The following ACYP2 variants were observed in gnomAD, a reference collection of about 807,000 sequenced individuals.
ACYP2 encodes the protein acylphosphatase 2, also known as acylphosphatase-2.
A neutral mutation model predicts 11.2 loss-of-function variants in ACYP2; 12 were observed. The ratio of observed to expected loss-of-function variants is 1.08; its 90% CI spans 0.69 to 1.74. The LOEUF is 1.74. Ranked by LOEUF, ACYP2 falls within the 40% of genes most tolerant of loss-of-function variation. The probability of loss-of-function intolerance (pLI) is 0.00; values close to 1 mark genes in which losing one functional copy is unlikely to be tolerated. For synonymous variants in ACYP2, 43 were observed against 32.2 expected, an observed-to-expected ratio of 1.33 and a Z score of -1.13; for missense variants, 134 against 101.9, an observed-to-expected ratio of 1.31 and a Z score of -1.35.
At chr2:54,020,454 A>G (rs1384346191) in intron 2 of ACYP2, among the ~76,000 whole-genome samples, 1 of 152,198 alleles carries the variant, frequency 6.6e-6, no homozygotes, top group Non-Finnish European at 1.5e-5. Flanking sequence ...AAAAGCCAAA[A>G]ATTACATAGC....
intron 6 of ACYP2, chr2:54,142,832 T>A (rs1681680039): frequency 6.6e-6 from 1 of 152,222 alleles, no homozygotes; most frequent in Non-Finnish European, 1.5e-5. Flanking sequence ...TTTTAAAATT[T>A]ATCCTTCAGT....
At chr2:54,282,737 T>C (rs949255565) in intron 6 of ACYP2, among the ~76,000 whole-genome samples, 4 of 150,110 alleles carry the variant, frequency 2.7e-5, no homozygotes, top group African/African-American at 9.7e-5. Context: ...TGTTTGGAAG[T>C]TTTTTTTTTC....
chr2:54,144,306 T>C (rs1681782095), intron 6 of ACYP2, among the ~76,000 whole-genome samples: 1 of 152,172 alleles, frequency 6.6e-6, no homozygotes, highest in Non-Finnish European at 1.5e-5. Context: ...CCAGATGTTC[T>C]TGGATTCCTT....
chr2:54,064,172 T>A (rs1284310632), intron 4 of ACYP2, among the ~76,000 whole-genome samples: 1 of 152,124 alleles, frequency 6.6e-6, no homozygotes, highest in African/African-American at 2.4e-5. Context: ...CTGCTCAGCA[T>A]TTTTTGAAAC....
chr2:54,101,452 C>T (rs60246605), intron 4 of ACYP2, among the ~76,000 whole-genome samples: 4 of 152,040 alleles, frequency 2.6e-5, no homozygotes, highest in African/African-American at 7.2e-5. Flanking sequence ...GAGCAGATCA[C>T]GAGGTCAGGA....
At chr2:54,245,026 C>A (rs185651551) in intron 6 of ACYP2, among the ~76,000 whole-genome samples, 145 of 152,268 alleles carry the variant, frequency 9.5e-4, no homozygotes, top group African/African-American at 3.4e-3. Flanking sequence ...ATCTCACCAT[C>A]TTCCCCTTCC....
chr2:54,060,730 A>G (rs916613985), intron 4 of ACYP2, among the ~76,000 whole-genome samples: 7 of 152,242 alleles, frequency 4.6e-5, no homozygotes, highest in Non-Finnish European at 7.3e-5. Flanking sequence ...TTTTATGCAC[A>G]GGATGTTCTC....
intron 4 of ACYP2, chr2:54,123,484 T>C (rs990308082): frequency 2.0e-5 from 8 of 398,422 alleles, no homozygotes; most frequent in Non-Finnish European, 3.5e-5. Context: ...AAAATTGAGA[T>C]ATAATTTACA....
intron 4 of ACYP2, among the ~76,000 whole-genome samples, chr2:54,101,473 A>G (rs536762992): frequency 1.3e-5 from 2 of 152,196 alleles, no homozygotes; most frequent in Admixed American, 1.3e-4. Flanking sequence ...GTTTGAGAGC[A>G]GCCTGACCAA....
At position 54,065,394 on chromosome 2, in the gene ACYP2, A is replaced by G. The variant is rs140597049; in HGVS notation, c.277+8034A>G. 7.0e-5 allele frequency: 28 copies of G among 398,218 alleles called. No homozygotes were observed. The East Asian group carries it at 9.6e-4, about 14-fold the overall frequency. The allele number at this position is 398,218 out of a possible 1,614,324, so 24.7% of individuals were successfully genotyped here. On this transcript the variant is annotated intron_variant, in intron 4 of 6. Coordinates refer to ENST00000607452, the MANE Select transcript of ACYP2 (RefSeq NM_001320586.2). ...ATCAAAATGATTTTTCTATTCTCCT[A>G]TGCTTTTATATACATACATAAACTT...
rs1445354776 is a variant in ACYP2 at position 54,023,432 on chromosome 2, G to A, written c.63-27526G>A. On this transcript the variant is annotated intron_variant, in intron 2 of 6. Coordinates refer to ENST00000607452, the MANE Select transcript of ACYP2 (RefSeq NM_001320586.2). ...AGCCTCCTGAGTATCCGGGATGACA[G>A]CCTACCTGATTTTTAGAGCAACTTT... Among the ~76,000 whole-genome samples the A allele has an allele frequency of 5.9e-5, 9 of 152,178 alleles. No homozygotes were observed. The East Asian group carries it at 1.7e-3, about 29-fold the overall frequency.
chr2:54,002,876 C>T (rs1216553145), intron 2 of ACYP2, among the ~76,000 whole-genome samples: 1 of 147,706 alleles, frequency 6.8e-6, no homozygotes, highest in East Asian at 2.0e-4. Context: ...TTGAACTCCT[C>T]ACCTCAGGTG....
chr2:53,987,242 C>T (rs1211729352), intron 2 of ACYP2, among the ~76,000 whole-genome samples: 1 of 152,032 alleles, frequency 6.6e-6, no homozygotes, highest in African/African-American at 2.4e-5. Context: ...CCTGTTTCTC[C>T]ATCTGGGAGA....
intron 4 of ACYP2, among the ~76,000 whole-genome samples, chr2:54,095,789 T>C: frequency 7.8e-6 from 1 of 128,284 alleles, no homozygotes; most frequent in Non-Finnish European, 1.7e-5. Context: ...GGCAGGGGGT[T>C]GACCCTCCCA....
intron 2 of ACYP2, among the ~76,000 whole-genome samples, chr2:54,036,500 A>G (rs1674911459): frequency 1.3e-5 from 2 of 152,116 alleles, no homozygotes; most frequent in Admixed American, 6.5e-5. Context: ...CATATATTTG[A>G]TTATCTATCT....
intron 2 of ACYP2, among the ~76,000 whole-genome samples, chr2:54,035,265 C>CTTTTT (rs895749612): frequency 1.2e-4 from 15 of 126,018 alleles, no homozygotes; most frequent in East Asian, 2.3e-4. Context: ...TTTTCTTTTT[C>CTTTTT]TTTTTTTTTT....
At chr2:54,302,221 G>T (rs1400007862) in intron 6 of ACYP2, among the ~76,000 whole-genome samples, 1 of 152,112 alleles carries the variant, frequency 6.6e-6, no homozygotes. Context: ...ATTCTCTTGA[G>T]CCCATTCAAA....
At chr2:54,106,586 C>G (rs550440865) in intron 4 of ACYP2, among the ~76,000 whole-genome samples, 1 of 151,088 alleles carries the variant, frequency 6.6e-6, no homozygotes, top group South Asian at 2.1e-4. Flanking sequence ...TAACATTTAC[C>G]AGACAAATTT....
At chr2:53,979,758 G>C (rs1170916763) in intron 2 of ACYP2, among the ~76,000 whole-genome samples, 1 of 151,960 alleles carries the variant, frequency 6.6e-6, no homozygotes, top group Admixed American at 6.6e-5. Context: ...CTAGAGTGCA[G>C]TGGCGTGATC....
Sources: allele counts gnomAD v4.1 joint callset (sites outside exome capture counted in the v4.1 genomes callset), GRCh38; gene constraint gnomAD v4.1.1; transcripts MANE v1.5; gene names NCBI Gene and HGNC (gene_info 2026-07-23, HGNC 2026-07-21).